FAM120A: variants seen among roughly 807,000 people sequenced by gnomAD.
The protein encoded by FAM120A is family with sequence similarity 120 member A.
Under a neutral mutation model 109.7 loss-of-function variants are expected in FAM120A, and 15 were observed. The ratio of observed to expected loss-of-function variants is 0.14; its 90% CI spans 0.09 to 0.21. The LOEUF is 0.21. Among genes scored for constraint, FAM120A ranks in the 10% least tolerant of loss-of-function variants. The pLI is 1.00. For missense variants in FAM120A, 899 were observed against 1,439.3 expected (o/e 0.62, Z 6.07); for synonymous variants, 493 against 572.8 (o/e 0.86, Z 1.99).
rs1379499770 is a variant in FAM120A, at chr9:93,529,407, A to C, written c.1561A>C (p.Ser521Arg). ...AAGCCAACTAGCCGAAGGCAAGGGA[A>C]GCCAGATGGGCACTGTCCAGCCAAT... ...SGSQLAEGKG[S>R]QMGTVQPIPC... Residue 521 changes from serine (S) to arginine (R), a missense_variant, in exon 9 of 18, where the codon AGC (serine) becomes CGC (arginine). Physicochemically the swap from Ser to Arg is moderately radical, Grantham distance 110 (BLOSUM62 -1). Coordinates refer to ENST00000277165, the MANE Select transcript of FAM120A (RefSeq NM_014612.5). 11 of 1,613,720 alleles carry C rather than the reference A, an allele frequency of 6.8e-6. No individual in the cohort carries two copies. The highest frequency in any genetic ancestry group is 9.3e-6 in the Non-Finnish European group (11 of 1,179,826).
chr9:93,452,740 C>T lies in FAM120A; in HGVS notation c.474+351C>T, dbSNP rs750141207. The T allele has an allele frequency of 4.4e-6, 7 of 1,597,456 alleles. No individual in the cohort carries two copies. In the South Asian group the frequency reaches 5.5e-5, roughly 13 times the overall value. ...TTGAGGCGGGCAGGCTATCACTCAC[C>T]TTCAACTTTGACAAAATACTCCCTT... On this transcript the variant is annotated intron_variant, in intron 1 of 17. Coordinates refer to ENST00000277165, the MANE Select transcript of FAM120A (RefSeq NM_014612.5). This position sits in a 1 kb window ranked among gnomAD's most constrained non-coding sequence, Gnocchi z 7.0.
chr9:93,529,504 C>A lies in FAM120A; in HGVS notation c.1658C>A (p.Pro553His). 1 of 1,614,204 alleles carries A rather than the reference C, an allele frequency of 6.2e-7. No individual in the cohort carries two copies. The highest frequency in any genetic ancestry group is 8.5e-7 in the Non-Finnish European group (1 of 1,180,040). ...ACACCTCCCCTGCCCCCCGTCGCAC[C>A]TGAGGTGCTGAGAGTGGCCGAGCAC... is the stretch of plus-strand genomic sequence containing the variant. ...ITTPPLPPVA[P>H]EVLRVAEHRH... is the part of the protein sequence containing the mutation. Residue 553 changes from proline to histidine, a missense_variant, in exon 9 of 18, where the codon CCT becomes CAT. Physicochemically the swap from Pro to His is moderately conservative, Grantham distance 77 (BLOSUM62 -2). Around this residue, in one of 11 missense-constraint regions of FAM120A, gnomAD observed 133 missense variants for 276.6 expected, o/e 0.48. Coordinates refer to ENST00000277165, the MANE Select transcript of FAM120A (RefSeq NM_014612.5).
chr9:93,514,863 G>T (rs1267787245), intron 5 of FAM120A, among the ~76,000 whole-genome samples: 1 of 152,246 alleles, frequency 6.6e-6, no homozygotes, highest in African/African-American at 2.4e-5. Flanking sequence ...GCCAGAGGTT[G>T]AGTGGGGAGG....
At chr9:93,478,961 A>G (rs10992753) in intron 3 of FAM120A, among the ~76,000 whole-genome samples, 4,016 of 152,230 alleles carry the variant, frequency 0.026, 169 homozygotes, top group African/African-American at 0.091. Flanking sequence ...TGTAAAACCA[A>G]TTGCATCTTT....
intron 5 of FAM120A, among the ~76,000 whole-genome samples, chr9:93,501,090 A>G (rs939156528): frequency 1.3e-5 from 2 of 152,162 alleles, no homozygotes; most frequent in Non-Finnish European, 2.9e-5. Context: ...CATTGGAATG[A>G]GCAGTGAGGA....
chr9:93,508,899 GA>G (rs776819859), intron 5 of FAM120A, among the ~76,000 whole-genome samples: 1 of 152,308 alleles, frequency 6.6e-6, no homozygotes, highest in Non-Finnish European at 1.5e-5. Context: ...CAGAATCTGA[GA>G]ACATGAGAAA....
chr9:93,519,581 G>A (rs1175299562), intron 7 of FAM120A, among the ~76,000 whole-genome samples: 1 of 152,060 alleles, frequency 6.6e-6, no homozygotes, highest in East Asian at 1.9e-4. Flanking sequence ...AATAGCGGAG[G>A]CGATTGGCCT....
At chr9:93,522,515 A>C (rs1037281732) in intron 7 of FAM120A, among the ~76,000 whole-genome samples, 3 of 152,204 alleles carry the variant, frequency 2.0e-5, no homozygotes, top group Admixed American at 2.0e-4. Flanking sequence ...TAATATGTAC[A>C]TGTACTTAAT....
intron 17 of FAM120A, 26 bp from the exon 18 acceptor site, chr9:93,564,203 C>T: frequency 2.5e-6 from 4 of 1,585,656 alleles, no homozygotes; most frequent in South Asian, 1.1e-5. Context: ...ACCACCTTCT[C>T]ATTTGTTGTC....
intron 7 of FAM120A, among the ~76,000 whole-genome samples, chr9:93,516,781 T>G (rs778159541): frequency 2.8e-4 from 42 of 149,226 alleles, no homozygotes; most frequent in African/African-American, 4.7e-4. Context: ...AATTGTTTCC[T>G]TAGAGGAGTA....
rs752897171 is a variant in FAM120A, at chr9:93,452,026, G to A, written c.111G>A (p.Gln37=). Residue 37 remains glutamine (Q), a synonymous_variant, in exon 1 of 18, where the codon CAG becomes CAA. Coordinates refer to ENST00000277165, the MANE Select transcript of FAM120A (RefSeq NM_014612.5). This position sits in a 1 kb window ranked among gnomAD's most constrained non-coding sequence, Gnocchi z 7.0. ...GCAGCCTGGTGGGCGGCGGGCGGCAGCGGCCCCCGCAGACCCCGCTGCGCC... is the reference window on the plus strand; with the variant it reads ...GCAGCCTGGTGGGCGGCGGGCGGCAACGGCCCCCGCAGACCCCGCTGCGCC... ...ARGSLVGGGR[Q]RPPQTPLRLL... 14 of 1,561,606 alleles carry A rather than the reference G, an allele frequency of 9.0e-6. No individual in the cohort carries two copies. The highest frequency in any genetic ancestry group is 3.9e-5 in the Admixed American group (2 of 51,794).
At chr9:93,460,934 G>A (rs1857768555) in intron 1 of FAM120A, among the ~76,000 whole-genome samples, 2 of 152,070 alleles carry the variant, frequency 1.3e-5, no homozygotes, top group African/African-American at 4.8e-5. Flanking sequence ...ATGTGTTGAG[G>A]GCATAAAATG....
Position 93,554,120 on chromosome 9 carries a change from T to TACACACACACACACACACACACACAC in FAM120A, c.2275-2227_2275-2202dup, listed in dbSNP as rs10672125. Among the ~76,000 whole-genome samples the TACACACACACACACACACACACACAC allele has an allele frequency of 2.3e-3, 203 of 87,446 alleles. 15 individuals carry two copies. The highest frequency in any genetic ancestry group is 3.4e-3 in the African/African-American group (87 of 25,294). The allele number at this position is 87,446 out of a possible 152,430, so 57.4% of individuals were successfully genotyped here. A position where few individuals can be genotyped will look rare whatever the true frequency, so the allele number is the denominator to read the frequency against. On this transcript the variant is annotated intron_variant, in intron 12 of 17. Coordinates refer to ENST00000277165, the MANE Select transcript of FAM120A (RefSeq NM_014612.5). ...ATCCTTTAATGTTAAGGCCATTTGA[T>TACACACACACACACACACACACACAC]ACACACACACACACACACACACACA...
At chr9:93,514,781 A>C (rs1017059847) in intron 5 of FAM120A, among the ~76,000 whole-genome samples, 1 of 151,876 alleles carries the variant, frequency 6.6e-6, no homozygotes, top group Non-Finnish European at 1.5e-5. Context: ...GGCACCATCT[A>C]CTCACTCATT....
At chr9:93,503,135 G>A (rs1473367629) in intron 5 of FAM120A, among the ~76,000 whole-genome samples, 2 of 152,212 alleles carry the variant, frequency 1.3e-5, no homozygotes, top group Non-Finnish European at 2.9e-5. Flanking sequence ...AGGATGGGTA[G>A]CAACAGATTG....
intron 8 of FAM120A, among the ~76,000 whole-genome samples, chr9:93,528,471 A>G (rs961947197): frequency 6.6e-6 from 1 of 152,254 alleles, no homozygotes; most frequent in Non-Finnish European, 1.5e-5. Flanking sequence ...GCAACTATTC[A>G]GACAATTCAG....
chr9:93,516,160 A>G lies in FAM120A; in HGVS notation c.1309A>G (p.Ile437Val). The G allele has an allele frequency of 4.3e-6, 7 of 1,614,014 alleles. No individual in the cohort carries two copies. Among genetic ancestry groups the G allele is most frequent in the South Asian group, 1.1e-5 (1 of 91,076 alleles). Residue 437 changes from isoleucine (I) to valine (V), a missense_variant, in exon 7 of 18, where the codon ATC (isoleucine) becomes GTC (valine). Physicochemically the swap from Ile to Val is conservative, Grantham distance 29. Around this residue, in one of 11 missense-constraint regions of FAM120A, gnomAD observed 31 missense variants for 71.8 expected, o/e 0.43. Coordinates refer to ENST00000277165, the MANE Select transcript of FAM120A (RefSeq NM_014612.5). ...HTPLYERSSP[I>V]NPAQSGSPNH... is the part of the protein sequence containing the mutation. Reference sequence around the variant, plus strand: ...GCCGCTGTATGAGCGGTCCTCGCCCATCAACCCGGCCCAGAGCGGCAGCCC... The same window carrying G: ...GCCGCTGTATGAGCGGTCCTCGCCCGTCAACCCGGCCCAGAGCGGCAGCCC...
At chr9:93,563,921 G>A (rs2131580338) in intron 17 of FAM120A, among the ~76,000 whole-genome samples, 1 of 152,244 alleles carries the variant, frequency 6.6e-6, no homozygotes, top group East Asian at 1.9e-4. Context: ...ACTTATTGAG[G>A]GGCATTTGTT....
At chr9:93,531,297 AT>A (rs1465142262) in intron 9 of FAM120A, 5 of 152,376 alleles carry the variant, frequency 3.3e-5, no homozygotes. Context: ...GAAACAGCAA[AT>A]ATTACAAAAT....
Sources: allele counts gnomAD v4.1 joint callset (sites outside exome capture counted in the v4.1 genomes callset), GRCh38; gene constraint gnomAD v4.1.1; regional missense constraint gnomAD v4.1.1; non-coding constraint Gnocchi (gnomAD v3.1); transcripts MANE v1.5; gene names NCBI Gene and HGNC (gene_info 2026-07-23, HGNC 2026-07-21).